Variants in SCN1A observed in about 807,000 individuals in gnomAD.
SCN1A encodes sodium channel protein type 1 subunit alpha.
In SCN1A, 13 loss-of-function variants were observed where a neutral mutation model predicts 193.7. The ratio of observed to expected loss-of-function variants is 0.07; its 90% CI spans 0.04 to 0.11. SCN1A has a LOEUF of 0.11. Ranked by LOEUF, SCN1A falls within the 10% of genes least tolerant of loss-of-function variation. The pLI, the probability that SCN1A is intolerant of heterozygous loss-of-function variation, is 1.00. For missense variants in SCN1A, 1,432 were observed against 2,451.1 expected, an observed-to-expected ratio of 0.58 and a Z score of 8.78; for synonymous variants, 781 against 843.6, an observed-to-expected ratio of 0.93 and a Z score of 1.29.
At chr2:166,145,097 A>C (rs868442801) in intron 1 of SCN1A, among the ~76,000 whole-genome samples, 1 of 151,006 alleles carries the variant, frequency 6.6e-6, no homozygotes, top group African/African-American at 2.4e-5. Flanking sequence ...TGGTCTCCCA[A>C]AGTGTTGGGA....
rs1229003918 is a variant in SCN1A, at chr2:166,127,823, A to T, written c.-281T>A. On this transcript the variant is annotated 5_prime_UTR_variant, in exon 1 of 29. Transcript: ENST00000674923. Reference sequence around the variant, plus strand: ...CAGTGAGGAACAGCATCACCCAAAGACGAGATGATAACAATGTGCCTTCAG... The same window carrying T: ...CAGTGAGGAACAGCATCACCCAAAGTCGAGATGATAACAATGTGCCTTCAG... 6.6e-6 allele frequency: 1 copy of T among 152,150 alleles called. No individual in the cohort carries two copies. Among genetic ancestry groups the T allele is most frequent in the Non-Finnish European group, 1.5e-5 (1 of 68,030 alleles). The allele number at this position is 152,150 out of a possible 1,614,324, so 9.4% of individuals were successfully genotyped here. A position where few individuals can be genotyped will look rare whatever the true frequency, so the allele number is the denominator to read the frequency against.
intron 1 of SCN1A, among the ~76,000 whole-genome samples, chr2:166,136,499 C>T (rs1286242422): frequency 2.6e-5 from 4 of 152,150 alleles, no homozygotes; most frequent in Non-Finnish European, 5.9e-5. Context: ...TCTTGTCCCT[C>T]TGCTCTCTAG....
chr2:166,077,581 G>A (rs1685106443), intron 3 of SCN1A, 129 bp downstream of exon 3: 1 of 151,948 alleles, frequency 6.6e-6, no homozygotes, highest in Non-Finnish European at 1.5e-5. Flanking sequence ...TGCTGATGAG[G>A]ATATGGAGCA....
At chr2:166,054,058 G>A (rs1481549569) in intron 7 of SCN1A, among the ~76,000 whole-genome samples, 1 of 151,850 alleles carries the variant, frequency 6.6e-6, no homozygotes, top group Non-Finnish European at 1.5e-5. Context: ...AACAGAAAGA[G>A]GCAGAGAGAA....
At chr2:166,047,986 A>G (rs2105869293) in intron 10 of SCN1A, among the ~76,000 whole-genome samples, 1 of 152,270 alleles carries the variant, frequency 6.6e-6, no homozygotes, top group East Asian at 1.9e-4. Flanking sequence ...ATAATATTTT[A>G]CAAAATAATT....
At chr2:166,013,049 C>T (rs957269181) in intron 21 of SCN1A, among the ~76,000 whole-genome samples, 2 of 151,402 alleles carry the variant, frequency 1.3e-5, no homozygotes, top group African/African-American at 4.8e-5. Context: ...CTGTTTCTCT[C>T]TCTTTCTTTC....
Position 165,993,180 on chromosome 2 carries a change from AGT to A in SCN1A, c.4853-760_4853-759del, listed in dbSNP as rs760561246. Reference sequence around the variant, plus strand: ...TCATTCTGAAAAGACGAAGTGTAAGAGTGTGTGTGTGTGTGTGTGTGTGTGTG... The same window carrying A: ...TCATTCTGAAAAGACGAAGTGTAAGAGTGTGTGTGTGTGTGTGTGTGTGTG... On this transcript the variant is annotated intron_variant, in intron 28 of 28. Transcript: ENST00000674923. The A allele has an allele frequency of 1.0e-3, 148 of 143,232 alleles. 3 individuals are homozygous for A. In the East Asian group the frequency reaches 0.012, roughly 12 times the overall value. The allele number at this position is 143,232 out of a possible 1,614,324, so 8.9% of individuals were successfully genotyped here.
rs888097345 is a variant in SCN1A, at chr2:166,010,951, GA to G, written c.3880-1111del. Among the ~76,000 whole-genome samples the G allele has an allele frequency of 6.0e-5, 9 of 150,268 alleles. No homozygotes were observed. In the East Asian group the frequency reaches 7.8e-4, roughly 13 times the overall value. Reference sequence around the variant, plus strand: ...AAGCTGATGTGTAATAAACATAATAGAAAAAAAACCTCAGGAAGTTTTAAAG... The same window carrying G: ...AAGCTGATGTGTAATAAACATAATAGAAAAAAACCTCAGGAAGTTTTAAAG... On this transcript the variant is annotated intron_variant, in intron 22 of 28. Transcript: ENST00000674923.
Position 166,052,980 on chromosome 2 carries a change from G to A in SCN1A, c.603-37C>T, listed in dbSNP as rs532304441. ...AGTTCACACACAAACACAAAAACAGGACACAAAGAAAAAGCTGTAGGTACA... is the reference window on the plus strand; with the variant it reads ...AGTTCACACACAAACACAAAAACAGAACACAAAGAAAAAGCTGTAGGTACA... On this transcript the variant is annotated intron_variant, in intron 7 of 28. Transcript: ENST00000674923. The A allele has an allele frequency of 4.5e-6, 7 of 1,550,658 alleles. No homozygotes were observed. In the East Asian group the frequency reaches 1.1e-4, roughly 25 times the overall value.
chr2:166,071,188 A>T (rs1684380512), intron 4 of SCN1A, among the ~76,000 whole-genome samples: 1 of 152,246 alleles, frequency 6.6e-6, no homozygotes, highest in African/African-American at 2.4e-5. Context: ...TAAAATGTTT[A>T]GGCAATTGGA....
intron 4 of SCN1A, among the ~76,000 whole-genome samples, chr2:166,069,499 C>T (rs1684191367): frequency 1.3e-5 from 2 of 152,152 alleles, no homozygotes. Context: ...AAAATATACT[C>T]TCAGCAGTGA....
chr2:166,071,574 TATA>T (rs1291300998), intron 4 of SCN1A: 1 of 148,410 alleles, frequency 6.7e-6, no homozygotes, highest in Non-Finnish European at 1.5e-5. Context: ...ATTAAAGTTG[TATA>T]ATGTTTAAAA....
chr2:166,125,318 G>A (rs1216867518), intron 2 of SCN1A, among the ~76,000 whole-genome samples: 1 of 152,210 alleles, frequency 6.6e-6, no homozygotes, highest in Non-Finnish European at 1.5e-5. Flanking sequence ...AGTAGGCTTT[G>A]TGCCCTTTGG....
chr2:166,074,396 A>G (rs908391621), intron 3 of SCN1A, among the ~76,000 whole-genome samples: 2 of 152,214 alleles, frequency 1.3e-5, no homozygotes, highest in African/African-American at 4.8e-5. Context: ...CTGTAGGTGC[A>G]GGAGACAGCA....
At chr2:166,142,689 A>G (rs1051909835) in intron 1 of SCN1A, among the ~76,000 whole-genome samples, 55 of 152,174 alleles carry the variant, frequency 3.6e-4, no homozygotes, top group African/African-American at 1.3e-3. Flanking sequence ...AACTTTTAGA[A>G]ATCCAATTTC....
chr2:166,055,987 T>C (rs1699089972), intron 6 of SCN1A, among the ~76,000 whole-genome samples: 1 of 152,058 alleles, frequency 6.6e-6, no homozygotes, highest in Non-Finnish European at 1.5e-5. Flanking sequence ...TGAATGTGCC[T>C]GATGGAAATG....
At chr2:166,127,296 C>T (rs1691359793) in intron 1 of SCN1A, among the ~76,000 whole-genome samples, 1 of 152,168 alleles carries the variant, frequency 6.6e-6, no homozygotes, top group African/African-American at 2.4e-5. Context: ...CAATGCTAGG[C>T]TCCAGCAGCA....
intron 25 of SCN1A, 109 bp from the exon 26 acceptor site, chr2:165,998,284 C>T: frequency 1.1e-6 from 1 of 899,524 alleles, no homozygotes; most frequent in Non-Finnish European, 1.7e-6. Context: ...AATATGTCAG[C>T]ATTTTTTTTT....
At chr2:166,008,793 G>A (rs1209516826) in intron 23 of SCN1A, among the ~76,000 whole-genome samples, 1 of 150,792 alleles carries the variant, frequency 6.6e-6, no homozygotes. Flanking sequence ...AGGTGAAAGA[G>A]CAGTGTTTTT....
Sources: allele counts gnomAD v4.1 joint callset (sites outside exome capture counted in the v4.1 genomes callset), GRCh38; gene constraint gnomAD v4.1.1; transcripts MANE v1.5; gene names NCBI Gene and HGNC (gene_info 2026-07-23, HGNC 2026-07-21).